GPHN: variants seen among roughly 807,000 people sequenced by gnomAD.
GPHN encodes the protein gephyrin.
Under a neutral mutation model 95.5 loss-of-function variants are expected in GPHN, and 17 were observed. That is an observed-to-expected ratio of 0.18 (90% confidence interval 0.12 to 0.27). The LOEUF (loss-of-function observed/expected upper bound fraction) is 0.27. GPHN is among the 10% of genes least tolerant of loss of function. GPHN has a pLI of 1.00. For missense variants in GPHN, 660 were observed against 978.1 expected, an observed-to-expected ratio of 0.67 and a Z score of 4.34; for synonymous variants, 320 against 322.5, an observed-to-expected ratio of 0.99 and a Z score of 0.08.
At chr14:66,779,938 C>G (rs566163280) in intron 3 of GPHN, among the ~76,000 whole-genome samples, 1 of 152,086 alleles carries the variant, frequency 6.6e-6, no homozygotes, top group East Asian at 1.9e-4. Flanking sequence ...GGAAGGAGAC[C>G]AGGTTGCAGG....
the GPHN span, chr14:67,208,067 C>T: frequency 1.5e-6 from 2 of 1,325,748 alleles, no homozygotes; most frequent in African/African-American, 2.9e-5. Context: ...CTAAGCCTCA[C>T]TCCCTCCTTA....
At position 66,680,791 on chromosome 14, in the gene GPHN, G is replaced by C. The variant is rs574448335; in HGVS notation, c.65-316G>C. 1.4e-4 allele frequency among the ~76,000 whole-genome samples: 21 copies of C among 152,166 alleles called. No homozygotes were observed. The East Asian group carries it at 2.5e-3, about 18-fold the overall frequency. ...CTAGTTGTTGTGGGGGCAGTGACTT[G>C]CTACTGTGTACTAGTAAATTAATCT... On this transcript the variant is annotated intron_variant, in intron 1 of 22. Coordinates refer to ENST00000478722, the MANE Select transcript of GPHN (RefSeq NM_020806.5).
chr14:66,776,358 G>A, intron 2 of GPHN, 106 bp from the exon 3 acceptor site: 1 of 786,114 alleles, frequency 1.3e-6, no homozygotes. Flanking sequence ...TTGTTGGGGT[G>A]AATACTGGGA....
the GPHN span, chr14:67,392,892 G>A: frequency 1.3e-6 from 2 of 1,512,966 alleles, no homozygotes; most frequent in Non-Finnish European, 1.8e-6. Context: ...TGATGGACCA[G>A]CGTCCTTGGG....
intron 5 of GPHN, among the ~76,000 whole-genome samples, chr14:66,883,264 C>G (rs1014673121): frequency 6.6e-6 from 1 of 151,822 alleles, no homozygotes; most frequent in Non-Finnish European, 1.5e-5. Flanking sequence ...TTCAAATTAG[C>G]TGACTTTTCC....
the GPHN span, among the ~76,000 whole-genome samples, chr14:67,717,449 T>C: frequency 6.6e-6 from 1 of 152,248 alleles, no homozygotes; most frequent in Non-Finnish European, 1.5e-5. Context: ...TATTAATAAC[T>C]TGCTGTGGAC....
chr14:66,785,424 A>T (rs1456530724), intron 3 of GPHN, among the ~76,000 whole-genome samples: 1 of 152,144 alleles, frequency 6.6e-6, no homozygotes, highest in Admixed American at 6.5e-5. Flanking sequence ...CTGTATTAAT[A>T]TCAGACCAAG....
intron 10 of GPHN, among the ~76,000 whole-genome samples, chr14:67,040,116 A>G (rs75880157): frequency 6.6e-6 from 1 of 152,238 alleles, no homozygotes; most frequent in East Asian, 1.9e-4. Flanking sequence ...GCAAAAATAG[A>G]CATACGTGCA....
chr14:66,756,490 C>T (rs920797290), intron 2 of GPHN, among the ~76,000 whole-genome samples: 1 of 152,142 alleles, frequency 6.6e-6, no homozygotes. Flanking sequence ...TTTGTATCCA[C>T]GGTGGTCCTG....
At chr14:67,559,043 A>G in the GPHN span, among the ~76,000 whole-genome samples, 35 of 152,328 alleles carry the variant, frequency 2.3e-4, no homozygotes, top group African/African-American at 8.4e-4. Context: ...CCAGCTCTGA[A>G]ATACTGAGAG....
intron 1 of GPHN, among the ~76,000 whole-genome samples, chr14:66,563,513 T>C (rs541519220): frequency 2.0e-5 from 3 of 152,354 alleles, no homozygotes; most frequent in Admixed American, 6.5e-5. Flanking sequence ...AGCATTCACA[T>C]GTTCATTCAG....
At position 66,528,038 on chromosome 14, in the gene GPHN, G is replaced by A. The variant is rs142799218; in HGVS notation, c.64+19447G>A. Among the ~76,000 whole-genome samples the A allele has an allele frequency of 7.3e-3, 1,113 of 152,024 alleles. 14 individuals are homozygous for A. Among genetic ancestry groups the A allele is most frequent in the African/African-American group, 0.022 (925 of 41,400 alleles). On this transcript the variant is annotated intron_variant, in intron 1 of 22. Coordinates refer to ENST00000478722, the MANE Select transcript of GPHN (RefSeq NM_020806.5). ...AATAACCTTGTTAATTTTCTGTCTC[G>A]TTGATCTGTCTAATATTGACAGTGG...
At chr14:67,322,604 C>G in the GPHN span, among the ~76,000 whole-genome samples, 1 of 152,084 alleles carries the variant, frequency 6.6e-6, no homozygotes, top group African/African-American at 2.4e-5. Flanking sequence ...TTTTAGTGGA[C>G]AAATGCACTT....
At chr14:67,578,434 G>C in the GPHN span, 1 of 943,662 alleles carries the variant, frequency 1.1e-6, no homozygotes, top group Non-Finnish European at 1.7e-6. The surrounding 1 kb of genome is among the most constrained non-coding windows in gnomAD (Gnocchi z 5.0). Flanking sequence ...GGGGGCTCTG[G>C]TTTGGGGAAA....
At chr14:66,555,191 C>T (rs905478205) in intron 1 of GPHN, among the ~76,000 whole-genome samples, 1 of 152,052 alleles carries the variant, frequency 6.6e-6, no homozygotes, top group African/African-American at 2.4e-5. Context: ...AGATTCTGAA[C>T]ATATGGTAGG....
At position 66,508,339 on chromosome 14, in the gene GPHN, C is replaced by T. The variant is rs2057871241; in HGVS notation, c.-189C>T. 1 of 634,868 alleles carries T rather than the reference C, an allele frequency of 1.6e-6. No homozygotes were observed. The highest frequency in any genetic ancestry group is 2.8e-6 in the Non-Finnish European group (1 of 354,994). 39.3% of individuals were successfully genotyped at this position (634,868 alleles called of 1,614,324 possible). On this transcript the variant is annotated 5_prime_UTR_variant, in exon 1 of 23. Coordinates refer to ENST00000478722, the MANE Select transcript of GPHN (RefSeq NM_020806.5). ...CCTTCCCCTCCCGCGGACCCGCGCA[C>T]TCCCGGCGCGGCCTCTCCCCCACGC...
intron 2 of GPHN, among the ~76,000 whole-genome samples, chr14:66,752,934 TA>T (rs370594333): frequency 0.016 from 2,083 of 134,058 alleles, 28 homozygotes; most frequent in African/African-American, 0.041. Context: ...TAGGAGTGGT[TA>T]AAAAAAAAAA....
intron 9 of GPHN, among the ~76,000 whole-genome samples, chr14:67,007,552 A>T (rs1437191707): frequency 6.6e-6 from 1 of 152,204 alleles, no homozygotes; most frequent in African/African-American, 2.4e-5. Flanking sequence ...AAGTCAAAAT[A>T]ATCTGGGGTT....
At chr14:67,726,594 A>AG in the GPHN span, among the ~76,000 whole-genome samples, 2 of 152,164 alleles carry the variant, frequency 1.3e-5, 1 homozygote, top group South Asian at 4.1e-4. Flanking sequence ...CAAAGACTTT[A>AG]GGGAGGAGAG....
Sources: allele counts gnomAD v4.1 joint callset (sites outside exome capture counted in the v4.1 genomes callset), GRCh38; gene constraint gnomAD v4.1.1; non-coding constraint Gnocchi (gnomAD v3.1); transcripts MANE v1.5; gene names NCBI Gene and HGNC (gene_info 2026-07-23, HGNC 2026-07-21).